SLC6A11: variants seen among roughly 807,000 people sequenced by gnomAD.
SLC6A11 encodes sodium- and chloride-dependent GABA transporter 3.
A neutral mutation model predicts 74.8 loss-of-function variants in SLC6A11; 25 were observed. The observed-to-expected ratio is 0.33, with a 90% confidence interval of 0.24 to 0.47. The LOEUF (loss-of-function observed/expected upper bound fraction) is 0.47, where lower values mean the gene tolerates loss of function less well. Among genes scored for constraint, SLC6A11 ranks in the 20% least tolerant of loss-of-function variants. The pLI is 1.00. For synonymous variants in SLC6A11, 330 were observed against 330.2 expected (o/e 1.00, Z 0.01); for missense variants, 574 against 837.0 (o/e 0.69, Z 3.88).
In SLC6A11 at chr3:10,926,614, G is replaced by A. The variant is rs895261053; in HGVS notation, c.1233+498G>A. 2.0e-5 allele frequency among the ~76,000 whole-genome samples: 3 copies of A among 151,890 alleles called. No individual in the cohort carries two copies. Among genetic ancestry groups the A allele is most frequent in the African/African-American group, 7.3e-5 (3 of 41,354 alleles). On this transcript the variant is annotated intron_variant, in intron 9 of 13. Transcript: ENST00000254488. This position sits in a 1 kb window ranked among gnomAD's most constrained non-coding sequence, Gnocchi z 5.7. The stretch of plus-strand genomic sequence containing the variant: ...CCACCACCAGCTCTGCCCCGCCACC[G>A]CCTGCCTGTCTCTGTGCTCGGCCCT...
intron 10 of SLC6A11, among the ~76,000 whole-genome samples, chr3:10,931,861 A>G (rs1449669234): frequency 6.6e-6 from 1 of 152,146 alleles, no homozygotes; most frequent in Non-Finnish European, 1.5e-5. Flanking sequence ...AACGAGTCCC[A>G]TGGTGTGTGG....
rs45521637 is a variant in SLC6A11 at position 10,938,091 on chromosome 3, A to T, written c.1747-159A>T. 0.025 allele frequency among the ~76,000 whole-genome samples: 3,761 copies of T among 152,252 alleles called. 162 individuals carry two copies. The highest frequency in any genetic ancestry group is 0.086 in the African/African-American group (3,562 of 41,530). On this transcript the variant is annotated intron_variant, in intron 13 of 13. Transcript: ENST00000254488. ...CTGAGACCCAGGGAGGTTGTTCATC[A>T]TCCAGGACAGAGCTGTAAGGGGCCA...
At chr3:10,880,185 G>A (rs1473027426) in intron 6 of SLC6A11, among the ~76,000 whole-genome samples, 2 of 152,118 alleles carry the variant, frequency 1.3e-5, no homozygotes, top group African/African-American at 2.4e-5. Context: ...TAGGAAGAGG[G>A]GTCGACTGGA....
chr3:10,822,704 C>T (rs1347970226), intron 3 of SLC6A11, among the ~76,000 whole-genome samples: 1 of 152,058 alleles, frequency 6.6e-6, no homozygotes, highest in African/African-American at 2.4e-5. Context: ...CCTGGGACAT[C>T]AAATTTCGTG....
chr3:10,901,052 A>C (rs1317184715), intron 6 of SLC6A11, among the ~76,000 whole-genome samples: 2 of 152,194 alleles, frequency 1.3e-5, no homozygotes, highest in Non-Finnish European at 2.9e-5. Context: ...TGAATTATCC[A>C]AAATGTCAAG....
intron 6 of SLC6A11, among the ~76,000 whole-genome samples, chr3:10,893,169 A>G (rs1365371521): frequency 3.9e-5 from 6 of 152,200 alleles, no homozygotes; most frequent in African/African-American, 1.2e-4. Flanking sequence ...TAAAGAAAAT[A>G]TTCCCTAAGA....
chr3:10,876,505 G>A (rs1331925560), intron 6 of SLC6A11, among the ~76,000 whole-genome samples: 1 of 151,986 alleles, frequency 6.6e-6, no homozygotes, highest in African/African-American at 2.4e-5. Flanking sequence ...TTTCTTCCTG[G>A]TAGTCATTCA....
chr3:10,854,009 C>T (rs1049738102), intron 5 of SLC6A11, among the ~76,000 whole-genome samples: 1 of 152,234 alleles, frequency 6.6e-6, no homozygotes, highest in East Asian at 1.9e-4. Flanking sequence ...GTGTAGCTCT[C>T]CCCTCAGAAC....
chr3:10,827,505 G>C (rs533083108), intron 4 of SLC6A11, among the ~76,000 whole-genome samples: 1 of 152,150 alleles, frequency 6.6e-6, no homozygotes, highest in South Asian at 2.1e-4. Flanking sequence ...TCTCTTTGTT[G>C]TTTCCTTGTG....
chr3:10,933,711 A>G lies in SLC6A11; in HGVS notation c.1475-355A>G, dbSNP rs41293361. Among the ~76,000 whole-genome samples the G allele has an allele frequency of 3.4e-3, 519 of 152,220 alleles. 2 individuals are homozygous for G. The highest frequency in any genetic ancestry group is 5.6e-3 in the Non-Finnish European group (378 of 68,012). ...GTGGCTTGGGAATGGATGCCTCTGCAGGCCCCTGCTCTGTAGCAGCCCTGC... is the reference window on the plus strand; with the variant it reads ...GTGGCTTGGGAATGGATGCCTCTGCGGGCCCCTGCTCTGTAGCAGCCCTGC... On this transcript the variant is annotated intron_variant, in intron 11 of 13. Coordinates refer to ENST00000254488, the MANE Select transcript of SLC6A11 (RefSeq NM_014229.3).
chr3:10,919,498 G>A (rs1226972545), intron 8 of SLC6A11, among the ~76,000 whole-genome samples: 1 of 152,138 alleles, frequency 6.6e-6, no homozygotes, highest in African/African-American at 2.4e-5. Flanking sequence ...TCCAGGGTGT[G>A]GCTATTTAGG....
chr3:10,915,549 A>G lies in SLC6A11; in HGVS notation c.996-2780A>G, dbSNP rs1695443327. ...CCTGCCGACTTCAAAGCACTGTTAC[A>G]TAAGCGTTTTACCTAGACGTGGGAG... is the stretch of plus-strand genomic sequence containing the variant. On this transcript the variant is annotated intron_variant, in intron 7 of 13. Coordinates refer to ENST00000254488, the MANE Select transcript of SLC6A11 (RefSeq NM_014229.3). This position sits in a 1 kb window ranked among gnomAD's most constrained non-coding sequence, Gnocchi z 4.3. 6.6e-6 allele frequency among the ~76,000 whole-genome samples: 1 copy of G among 152,176 alleles called. No homozygotes were observed. The highest frequency in any genetic ancestry group is 2.1e-4 in the South Asian group (1 of 4,828).
chr3:10,893,516 C>T (rs1329460032), intron 6 of SLC6A11, among the ~76,000 whole-genome samples: 1 of 152,138 alleles, frequency 6.6e-6, no homozygotes, highest in Non-Finnish European at 1.5e-5. Flanking sequence ...TGAGACTGAA[C>T]GTTGGTTTTG....
intron 6 of SLC6A11, among the ~76,000 whole-genome samples, chr3:10,886,149 A>G (rs962577291): frequency 6.6e-6 from 1 of 152,208 alleles, no homozygotes; most frequent in Non-Finnish European, 1.5e-5. Flanking sequence ...ATTGTCTACT[A>G]CCTGAAAATA....
rs1463849228 is a variant in SLC6A11, at chr3:10,895,257, A to T, written c.892-16833A>T. Among the ~76,000 whole-genome samples the T allele has an allele frequency of 2.0e-5, 3 of 152,358 alleles. No individual in the cohort carries two copies. The East Asian group carries it at 5.8e-4, about 29-fold the overall frequency. Reference sequence around the variant, plus strand: ...TGAGAGAGTGCATTTTATTGATTAAAAAAGAGAGTTGGTAATGCTACTTTT... The same window carrying T: ...TGAGAGAGTGCATTTTATTGATTAATAAAGAGAGTTGGTAATGCTACTTTT... On this transcript the variant is annotated intron_variant, in intron 6 of 13. Transcript: ENST00000254488.
rs374654867 is a variant in SLC6A11, at chr3:10,819,559, T to C, written c.351T>C (p.Gly117=). Residue 117 remains glycine, a synonymous_variant, in exon 2 of 14, where the codon GGT becomes GGC. Coordinates refer to ENST00000254488, the MANE Select transcript of SLC6A11 (RefSeq NM_014229.3). ...CTCTGGGGCAGTTCACAAGTGAAGG[T>C]GGCATTACGTGTTGGAGGAAAGTTT... The part of the protein sequence containing the change: ...ETALGQFTSE[G]GITCWRKVCP... 1 of 1,614,072 alleles carries C rather than the reference T, an allele frequency of 6.2e-7. No individual in the cohort carries two copies. The highest frequency in any genetic ancestry group is 1.7e-5 in the Admixed American group (1 of 59,992).
chr3:10,885,595 GATA>G lies in SLC6A11; in HGVS notation c.891+10502_891+10504del, dbSNP rs111376897. ...TTACAATGCACAGGACAGCCCCCATGATAAAAAAAAAAAAAAAAAATCAGGTCC... is the reference window on the plus strand; with the variant it reads ...TTACAATGCACAGGACAGCCCCCATGAAAAAAAAAAAAAAAAATCAGGTCC... On this transcript the variant is annotated intron_variant, in intron 6 of 13. Transcript: ENST00000254488. Among the ~76,000 whole-genome samples the G allele has an allele frequency of 5.3e-3, 430 of 81,502 alleles. 1 individual carries two copies. Among genetic ancestry groups the G allele is most frequent in the African/African-American group, 0.023 (416 of 17,762 alleles). 53.5% of individuals were successfully genotyped at this position (81,502 alleles called of 152,430 possible). A position where few individuals can be genotyped will look rare whatever the true frequency, so the allele number is the denominator to read the frequency against.
At chr3:10,886,790 A>G (rs944006107) in intron 6 of SLC6A11, among the ~76,000 whole-genome samples, 2 of 149,806 alleles carry the variant, frequency 1.3e-5, no homozygotes, top group African/African-American at 2.5e-5. Context: ...CTGGGCAACA[A>G]GAGCGAGACT....
Position 10,934,075 on chromosome 3 carries a change from G to C in SLC6A11, c.1484G>C (p.Arg495Pro), listed in dbSNP as rs777821052. The stretch of plus-strand genomic sequence containing the variant: ...GATTTATTCCGGACAGGAAGCAACC[G>C]GTTCTATGATAACATTGAAGACATG... ...ICIGWVYGSN[R>P]FYDNIEDMIG... The change falls in exon 12 of 14, where the codon CGG (arginine) becomes CCG (proline). Residue 495 changes from arginine to proline, a missense_variant. Physicochemically the swap from Arg to Pro is moderately radical, Grantham distance 103 (BLOSUM62 -2). Coordinates refer to ENST00000254488, the MANE Select transcript of SLC6A11 (RefSeq NM_014229.3). 1.2e-6 allele frequency: 2 copies of C among 1,612,492 alleles called. No individual in the cohort carries two copies. The highest frequency in any genetic ancestry group is 1.7e-6 in the Non-Finnish European group (2 of 1,178,574).
Sources: allele counts gnomAD v4.1 joint callset (sites outside exome capture counted in the v4.1 genomes callset), GRCh38; gene constraint gnomAD v4.1.1; non-coding constraint Gnocchi (gnomAD v3.1); transcripts MANE v1.5; gene names NCBI Gene and HGNC (gene_info 2026-07-23, HGNC 2026-07-21).